P2RY14: variants seen among roughly 807,000 people sequenced by gnomAD.
The protein encoded by P2RY14 is purinergic receptor P2Y14.
In P2RY14, 2 loss-of-function variants were observed where a neutral mutation model predicts 0.9. The observed-to-expected ratio is 2.16, with a 90% CI of 0.88 to 6.79. The LOEUF (loss-of-function observed/expected upper bound fraction) is 6.79, where lower values mean the gene tolerates loss of function less well. Ranked by LOEUF, P2RY14 falls within the 30% of genes most tolerant of loss-of-function variation. The pLI, the probability that P2RY14 is intolerant of heterozygous loss-of-function variation, is 0.05. For missense variants in P2RY14, 378 were observed against 400.1 expected (o/e 0.94, Z 0.47); for synonymous variants, 158 against 147.2 (o/e 1.07, Z -0.53).
chr3:151,220,751 T>A (rs999301859), intron 1 of P2RY14, among the ~76,000 whole-genome samples: 3 of 152,186 alleles, frequency 2.0e-5, no homozygotes, highest in African/African-American at 7.2e-5. Context: ...CCAGTAAACC[T>A]CTTTCTTTTG....
rs565955029 is a variant in P2RY14, at chr3:151,235,587, G to A, written c.-132-15945C>T. 3.7e-4 allele frequency among the ~76,000 whole-genome samples: 56 copies of A among 152,166 alleles called. 1 individual carries two copies. Among genetic ancestry groups the A allele is most frequent in the Admixed American group, 1.0e-3 (16 of 15,276 alleles). On this transcript the variant is annotated intron_variant, in intron 1 of 2. Transcript: ENST00000309170. ...GGCGTGCCTGTAATCCCAGTTACGC[G>A]GGAGGCTGAGGCAGGAGAATTCCTT...
intron 1 of P2RY14, among the ~76,000 whole-genome samples, chr3:151,261,728 G>T (rs1577161901): frequency 1.7e-5 from 2 of 121,092 alleles, no homozygotes; most frequent in South Asian, 2.5e-4. Context: ...TTTTGTTTTT[G>T]TTGTGTTGTG....
intron 1 of P2RY14, among the ~76,000 whole-genome samples, chr3:151,250,230 C>G (rs144993842): frequency 6.6e-6 from 1 of 152,120 alleles, no homozygotes; most frequent in Non-Finnish European, 1.5e-5. Context: ...ATCCAATTGA[C>G]ATTTTGAAAG....
chr3:151,244,603 G>A (rs1734950574), intron 1 of P2RY14, among the ~76,000 whole-genome samples: 1 of 151,224 alleles, frequency 6.6e-6, no homozygotes, highest in East Asian at 1.9e-4. Flanking sequence ...GAATCTCTGG[G>A]ACGCATTCAA....
chr3:151,214,178 A>G lies in P2RY14; in HGVS notation c.139T>C (p.Phe47Leu), dbSNP rs919811053. 1.9e-6 allele frequency: 3 copies of G among 1,614,192 alleles called. No homozygotes were observed. The highest frequency in any genetic ancestry group is 2.5e-6 in the Non-Finnish European group (3 of 1,180,018). ...ILLNGVSGWIFFYVPSSKSFI... is the reference protein window; with the variant it reads ...ILLNGVSGWILFYVPSSKSFI... ...CTCTTAGAGCTGGGCACGTAAAAGA[A>G]TATCCATCCTGACACTCCATTGAGT... is the stretch of plus-strand genomic sequence containing the variant. Residue 47 changes from phenylalanine (F) to leucine (L), a missense_variant, in exon 3 of 3, where the codon TTC (phenylalanine) becomes CTC (leucine). Physicochemically the swap from Phe to Leu is conservative, Grantham distance 22. Coordinates refer to ENST00000309170, the MANE Select transcript of P2RY14 (RefSeq NM_014879.4).
In P2RY14 at chr3:151,222,623, C is replaced by T. The variant is rs1293404726; in HGVS notation, c.-132-2981G>A. 3.3e-5 allele frequency among the ~76,000 whole-genome samples: 5 copies of T among 152,226 alleles called. No individual in the cohort carries two copies. In the South Asian group the frequency reaches 6.2e-4, roughly 19 times the overall value. ...TGCTCCACCATGATTGTGAAGCCTCCTCAGCCATGTGAAACTATAAGTCCA... is the reference window on the plus strand; with the variant it reads ...TGCTCCACCATGATTGTGAAGCCTCTTCAGCCATGTGAAACTATAAGTCCA... On this transcript the variant is annotated intron_variant, in intron 1 of 2. Transcript: ENST00000309170.
intron 1 of P2RY14, chr3:151,270,196 CGTGTGTGTGTGTGT>C (rs55920434): frequency 3.1e-4 from 40 of 129,706 alleles, no homozygotes; most frequent in African/African-American, 9.2e-4. Context: ...AGCAAGCTGT[CGTGTGTGTGTGTGT>C]GTGTGTGTGT....
chr3:151,217,871 G>T (rs1341196383), intron 2 of P2RY14, among the ~76,000 whole-genome samples: 1 of 152,068 alleles, frequency 6.6e-6, no homozygotes, highest in Non-Finnish European at 1.5e-5. Context: ...TTTTCTGTAG[G>T]GCAGATCAGA....
chr3:151,251,900 CA>C (rs1414101470), intron 1 of P2RY14, among the ~76,000 whole-genome samples: 1 of 152,152 alleles, frequency 6.6e-6, no homozygotes, highest in Non-Finnish European at 1.5e-5. Context: ...TACATGGAAT[CA>C]CCTTAAAAAT....
chr3:151,237,642 C>A (rs924734865), intron 1 of P2RY14, among the ~76,000 whole-genome samples: 1 of 152,086 alleles, frequency 6.6e-6, no homozygotes, highest in Admixed American at 6.6e-5. Context: ...TGAGCCACTG[C>A]GCCCAGCCGC....
intron 1 of P2RY14, among the ~76,000 whole-genome samples, chr3:151,267,569 T>C (rs1022910101): frequency 6.6e-6 from 1 of 152,196 alleles, no homozygotes; most frequent in African/African-American, 2.4e-5. Context: ...TAAATAGTTT[T>C]CCTATGAATT....
At position 151,233,456 on chromosome 3, in the gene P2RY14, G is replaced by A. The variant is rs545590664; in HGVS notation, c.-132-13814C>T. 7.2e-5 allele frequency among the ~76,000 whole-genome samples: 11 copies of A among 152,358 alleles called. No individual in the cohort carries two copies. In the South Asian group the frequency reaches 1.4e-3, roughly 20 times the overall value. On this transcript the variant is annotated intron_variant, in intron 1 of 2. Coordinates refer to ENST00000309170, the MANE Select transcript of P2RY14 (RefSeq NM_014879.4). Reference sequence around the variant, plus strand: ...AACAAAAAGAACATAGCACTGGGCCGGGCGTGATGGCTCCCGCCTGTAATC... The same window carrying A: ...AACAAAAAGAACATAGCACTGGGCCAGGCGTGATGGCTCCCGCCTGTAATC...
intron 1 of P2RY14, among the ~76,000 whole-genome samples, chr3:151,239,797 C>T (rs942443789): frequency 3.3e-5 from 5 of 152,098 alleles, no homozygotes; most frequent in Admixed American, 1.3e-4. Context: ...TTTTAGCACT[C>T]CAGCTCTTAA....
At chr3:151,229,218 C>T (rs1577041094) in intron 1 of P2RY14, among the ~76,000 whole-genome samples, 1 of 152,060 alleles carries the variant, frequency 6.6e-6, no homozygotes, top group South Asian at 2.1e-4. Flanking sequence ...TGTATGTTTC[C>T]TCCCTGTTTT....
chr3:151,225,096 GC>G (rs1320416009), intron 1 of P2RY14, among the ~76,000 whole-genome samples: 2 of 152,078 alleles, frequency 1.3e-5, no homozygotes, highest in African/African-American at 4.8e-5. Flanking sequence ...CTTTCACCCT[GC>G]CTATTGGGCT....
intron 1 of P2RY14, among the ~76,000 whole-genome samples, chr3:151,277,943 A>G (rs1742168603): frequency 6.6e-6 from 1 of 152,216 alleles, no homozygotes; most frequent in African/African-American, 2.4e-5. Context: ...TTGAGAAGCA[A>G]TTTTAATACA....
chr3:151,263,747 C>T (rs1406997012), intron 1 of P2RY14, among the ~76,000 whole-genome samples: 1 of 119,692 alleles, frequency 8.4e-6, no homozygotes, highest in Non-Finnish European at 1.7e-5. Flanking sequence ...GGTTGGAATT[C>T]CTGGATTCCC....
At chr3:151,232,987 ATTC>A (rs1008485250) in intron 1 of P2RY14, among the ~76,000 whole-genome samples, 1 of 152,160 alleles carries the variant, frequency 6.6e-6, no homozygotes, top group African/African-American at 2.4e-5. Flanking sequence ...CCTTTCAAAT[ATTC>A]TTCTAACAGC....
rs146449321 is a variant in P2RY14, at chr3:151,238,599, T to A, written c.-132-18957A>T. Among the ~76,000 whole-genome samples, 417 of 152,334 alleles carry A rather than the reference T, an allele frequency of 2.7e-3. 1 individual carries two copies. Among genetic ancestry groups the A allele is most frequent in the African/African-American group, 9.4e-3 (391 of 41,574 alleles). On this transcript the variant is annotated intron_variant, in intron 1 of 2. Transcript: ENST00000309170. ...ATTTGCACTGATGGTGCAAAAGCCA[T>A]GATGTGTAAAATGTTCAGGTGTCTT...
Sources: gnomAD v4.1 joint callset for allele counts (sites outside exome capture counted in the v4.1 genomes callset) on GRCh38, gnomAD v4.1.1 for gene constraint, MANE v1.5 for transcripts, NCBI Gene and HGNC (gene_info 2026-07-23, HGNC 2026-07-21) for gene names.